Variants in DLG2 observed in about 807,000 individuals in gnomAD.
DLG2 encodes the protein disks large homolog 2.
In DLG2, 45 loss-of-function variants were observed where a neutral mutation model predicts 132.5. The observed-to-expected ratio is 0.34, with a 90% CI of 0.27 to 0.44. DLG2 has a LOEUF of 0.44. DLG2 is among the 20% of genes least tolerant of loss of function. The pLI, the probability that DLG2 is intolerant of heterozygous loss-of-function variation, is 1.00. For missense variants in DLG2, 1,045 were observed against 1,196.9 expected (o/e 0.87, Z 1.87); for synonymous variants, 424 against 419.6 (o/e 1.01, Z -0.13).
At chr11:85,412,758 CACATATAT>C (rs1293025671) in intron 3 of DLG2, among the ~76,000 whole-genome samples, 58 of 117,486 alleles carry the variant, frequency 4.9e-4, no homozygotes, top group African/African-American at 2.1e-3. Context: ...CACACACACA[CACATATAT>C]ATATATATAT....
At chr11:83,630,553 A>G (rs765647921) in intron 19 of DLG2, among the ~76,000 whole-genome samples, 33 of 152,178 alleles carry the variant, frequency 2.2e-4, no homozygotes, top group Non-Finnish European at 4.6e-4. Flanking sequence ...CAAAAACCTC[A>G]AAGACATTTG....
intron 19 of DLG2, among the ~76,000 whole-genome samples, chr11:83,549,538 A>T (rs2096332439): frequency 6.6e-6 from 1 of 152,184 alleles, no homozygotes; most frequent in Admixed American, 6.6e-5. Context: ...GTGTCCCACA[A>T]GTACTGGAAG....
intron 16 of DLG2, among the ~76,000 whole-genome samples, chr11:83,856,441 T>C (rs2060546262): frequency 6.6e-6 from 1 of 152,210 alleles, no homozygotes; most frequent in African/African-American, 2.4e-5. Flanking sequence ...TAATTTTCAC[T>C]TCCACCAACA....
At chr11:84,598,182 ACT>A (rs1229747338) in intron 6 of DLG2, among the ~76,000 whole-genome samples, 2 of 152,040 alleles carry the variant, frequency 1.3e-5, no homozygotes, top group African/African-American at 4.8e-5. Flanking sequence ...TATTTCATCC[ACT>A]CTCATTTTAC....
At chr11:84,257,606 C>T (rs148779392) in intron 7 of DLG2, among the ~76,000 whole-genome samples, 1 of 151,860 alleles carries the variant, frequency 6.6e-6, no homozygotes, top group Non-Finnish European at 1.5e-5. Flanking sequence ...ATCTTCAAAC[C>T]CAAGCAATCT....
chr11:84,929,528 G>A (rs1423763283), intron 6 of DLG2, among the ~76,000 whole-genome samples: 1 of 152,006 alleles, frequency 6.6e-6, no homozygotes, highest in Non-Finnish European at 1.5e-5. Context: ...GACAGATGCA[G>A]GTATATTGAA....
At chr11:84,043,324 A>G (rs546214983) in intron 11 of DLG2, among the ~76,000 whole-genome samples, 1 of 151,884 alleles carries the variant, frequency 6.6e-6, no homozygotes, top group South Asian at 2.1e-4. Context: ...AATGATACAA[A>G]TAACAGTTTT....
At chr11:85,387,377 A>T (rs1347979926) in intron 3 of DLG2, among the ~76,000 whole-genome samples, 1 of 152,224 alleles carries the variant, frequency 6.6e-6, no homozygotes, top group Non-Finnish European at 1.5e-5. Flanking sequence ...GCAGGTAATA[A>T]TTTTAGACTA....
chr11:84,979,947 T>C (rs972553692), intron 6 of DLG2, among the ~76,000 whole-genome samples: 2 of 152,140 alleles, frequency 1.3e-5, no homozygotes, highest in African/African-American at 2.4e-5. Flanking sequence ...TATCTAGCAA[T>C]GCCTCTTGGC....
chr11:84,395,920 G>A (rs922083388), intron 7 of DLG2, among the ~76,000 whole-genome samples: 1 of 152,184 alleles, frequency 6.6e-6, no homozygotes, highest in South Asian at 2.1e-4. Context: ...TGTTTTGAAA[G>A]GTTTAATAAT....
In DLG2 at chr11:84,834,587, A is replaced by G. The variant is rs576796276; in HGVS notation, c.357+277074T>C. Among the ~76,000 whole-genome samples the G allele has an allele frequency of 2.0e-5, 3 of 151,736 alleles. No homozygotes were observed. The South Asian group carries it at 6.2e-4, about 31-fold the overall frequency. ...AAATGAATGGTGAAGTAATGGGGAA[A>G]GCACAACTCTAAAGAAAAATAGCAA... On this transcript the variant is annotated intron_variant, in intron 6 of 27. Coordinates refer to ENST00000376104, the MANE Select transcript of DLG2 (RefSeq NM_001142699.3).
chr11:83,999,715 T>C (rs1260356153), intron 11 of DLG2, among the ~76,000 whole-genome samples: 1 of 152,156 alleles, frequency 6.6e-6, no homozygotes, highest in African/African-American at 2.4e-5. Flanking sequence ...CACTTATAAC[T>C]GCACTGTACA....
intron 8 of DLG2, among the ~76,000 whole-genome samples, chr11:84,242,799 G>T (rs1037864530): frequency 1.3e-5 from 2 of 152,102 alleles, no homozygotes; most frequent in Non-Finnish European, 2.9e-5. Context: ...GCCTCCATGT[G>T]TATCATGTTT....
chr11:84,635,246 G>T (rs552586770), intron 6 of DLG2, among the ~76,000 whole-genome samples: 76 of 152,320 alleles, frequency 5.0e-4, no homozygotes, highest in African/African-American at 1.8e-3. Context: ...TTGGCAGGAA[G>T]TCCAATGCTG....
At chr11:84,942,744 T>A (rs1200494629) in intron 6 of DLG2, among the ~76,000 whole-genome samples, 2 of 152,148 alleles carry the variant, frequency 1.3e-5, no homozygotes, top group Non-Finnish European at 2.9e-5. Flanking sequence ...GTCCATTTGG[T>A]CTATGGTGCA....
chr11:85,478,946 T>C (rs2093218289), intron 3 of DLG2, among the ~76,000 whole-genome samples: 1 of 152,144 alleles, frequency 6.6e-6, no homozygotes, highest in Non-Finnish European at 1.5e-5. Context: ...CATAAAAATG[T>C]TACCCTTATG....
At chr11:83,835,090 TGTAA>T (rs942621379) in intron 16 of DLG2, among the ~76,000 whole-genome samples, 8 of 152,340 alleles carry the variant, frequency 5.3e-5, no homozygotes, top group Admixed American at 5.2e-4. Flanking sequence ...CAACTTGAAC[TGTAA>T]GTAATAAATT....
chr11:85,508,437 C>T (rs72953967), intron 3 of DLG2, among the ~76,000 whole-genome samples: 4,165 of 152,114 alleles, frequency 0.027, 97 homozygotes, highest in East Asian at 0.096. Flanking sequence ...ATCAATGTCA[C>T]TTTATTAGAA....
intron 19 of DLG2, among the ~76,000 whole-genome samples, chr11:83,581,948 C>CTTTTTTTTTTTTTTTTTTTT (rs71849863): frequency 1.9e-5 from 1 of 52,634 alleles, no homozygotes; most frequent in Non-Finnish European, 3.1e-5. Context: ...AGTTTGGACT[C>CTTTTTTTTTTTTTTTTTTTT]TTTTTTTTTT....
Sources: gnomAD v4.1 joint callset for allele counts (sites outside exome capture counted in the v4.1 genomes callset) on GRCh38, gnomAD v4.1.1 for gene constraint, MANE v1.5 for transcripts, NCBI Gene and HGNC (gene_info 2026-07-23, HGNC 2026-07-21) for gene names.